OSBPL10: variants seen among roughly 807,000 people sequenced by gnomAD.
OSBPL10 encodes the protein oxysterol-binding protein-related protein 10.
A neutral mutation model predicts 81.7 loss-of-function variants in OSBPL10; 49 were observed. The ratio of observed to expected loss-of-function variants is 0.60; its 90% CI spans 0.48 to 0.76. The LOEUF is 0.76. Ranked by LOEUF, OSBPL10 falls within the 30% of genes least tolerant of loss-of-function variation. The pLI, the probability that OSBPL10 is intolerant of heterozygous loss-of-function variation, is 0.00. For synonymous variants in OSBPL10, 419 were observed against 383.6 expected (o/e 1.09, Z -1.08); for missense variants, 923 against 987.8 (o/e 0.93, Z 0.88).
At chr3:31,968,394 G>A (rs556155460) in intron 1 of OSBPL10, among the ~76,000 whole-genome samples, 9 of 152,040 alleles carry the variant, frequency 5.9e-5, no homozygotes, top group African/African-American at 1.9e-4. Flanking sequence ...CTACAATGCT[G>A]GAAAGGAAAA....
At chr3:32,066,185 G>A (rs541972254) in intron 1 of OSBPL10, among the ~76,000 whole-genome samples, 3,827 of 78,912 alleles carry the variant, frequency 0.048, 1,397 homozygotes, top group Middle Eastern at 0.16. Flanking sequence ...AGGAAGGAAG[G>A]AAGGAAGGAA....
At chr3:31,886,579 C>A (rs140951355) in intron 1 of OSBPL10, among the ~76,000 whole-genome samples, 2 of 152,192 alleles carry the variant, frequency 1.3e-5, no homozygotes, top group African/African-American at 4.8e-5. Context: ...ATGAACGGGG[C>A]CTGTGAACAG....
In OSBPL10 at chr3:31,740,857, T is replaced by TTA. The variant is rs145097507; in HGVS notation, c.940+7051_940+7052dup. 1.3e-3 allele frequency among the ~76,000 whole-genome samples: 172 copies of TTA among 136,434 alleles called. 15 individuals are homozygous for TTA. The highest frequency in any genetic ancestry group is 5.5e-3 in the African/African-American group (164 of 29,806). The allele number at this position is 136,434 out of a possible 152,430, so 89.5% of individuals were successfully genotyped here. Reference sequence around the variant, plus strand: ...AACTTAATATGACCACTACTAGAATTTATATATATATGTCATATTTCTTCC... The same window carrying TTA: ...AACTTAATATGACCACTACTAGAATTTATATATATATATGTCATATTTCTTCC... On this transcript the variant is annotated intron_variant, in intron 5 of 11. Coordinates refer to ENST00000396556, the MANE Select transcript of OSBPL10 (RefSeq NM_017784.5).
intron 6 of OSBPL10, among the ~76,000 whole-genome samples, chr3:31,730,515 T>A (rs1559437773): frequency 2.0e-5 from 3 of 152,182 alleles, no homozygotes. Flanking sequence ...GTTGAAAAAA[T>A]TGTTTTACTA....
chr3:31,802,258 C>G (rs901610806), intron 4 of OSBPL10, among the ~76,000 whole-genome samples: 3 of 151,682 alleles, frequency 2.0e-5, no homozygotes, highest in African/African-American at 4.8e-5. Flanking sequence ...TCAAGCTGCT[C>G]TGTAAAGAAT....
At chr3:31,799,435 C>T (rs1476028590) in intron 4 of OSBPL10, among the ~76,000 whole-genome samples, 2 of 142,470 alleles carry the variant, frequency 1.4e-5, no homozygotes, top group Admixed American at 1.4e-4. Context: ...AGAATATCAG[C>T]TTAGAAGTCA....
At chr3:31,698,100 C>T (rs951242483) in intron 7 of OSBPL10, among the ~76,000 whole-genome samples, 21 of 152,026 alleles carry the variant, frequency 1.4e-4, no homozygotes, top group African/African-American at 5.1e-4. Flanking sequence ...CTGCTGTTCA[C>T]ACCCTAGTCA....
chr3:31,670,765 A>T, intron 9 of OSBPL10, 32 bp downstream of exon 9: 1 of 1,588,964 alleles, frequency 6.3e-7, no homozygotes, highest in Non-Finnish European at 8.6e-7. Flanking sequence ...TCTTGTTAAG[A>T]CAAAGCCAGA....
intron 1 of OSBPL10, among the ~76,000 whole-genome samples, chr3:31,951,843 G>A (rs1479449975): frequency 6.6e-6 from 1 of 151,926 alleles, no homozygotes; most frequent in Non-Finnish European, 1.5e-5. Context: ...GACAAACTAA[G>A]CTTTTCATTA....
chr3:31,838,335 C>T (rs1429300521), intron 3 of OSBPL10, among the ~76,000 whole-genome samples: 1 of 151,768 alleles, frequency 6.6e-6, no homozygotes, highest in Non-Finnish European at 1.5e-5. Flanking sequence ...ACGGTGAAAC[C>T]CCGTCTTTAC....
chr3:31,808,553 A>G (rs187464556), intron 4 of OSBPL10, among the ~76,000 whole-genome samples: 3 of 152,338 alleles, frequency 2.0e-5, no homozygotes, highest in Admixed American at 6.5e-5. Context: ...CTTGCTCTGA[A>G]GTCCCCAGGC....
chr3:31,745,853 A>G (rs1697504835), intron 5 of OSBPL10, among the ~76,000 whole-genome samples: 1 of 152,242 alleles, frequency 6.6e-6, no homozygotes. Context: ...TCTACTCTGA[A>G]AAACCAACAG....
chr3:32,036,332 G>A (rs1374264013), intron 2 of OSBPL10, among the ~76,000 whole-genome samples: 1 of 152,168 alleles, frequency 6.6e-6, no homozygotes, highest in African/African-American at 2.4e-5. Flanking sequence ...ACAGACATGA[G>A]CCATTGCACC....
chr3:31,970,327 C>A (rs528734739), intron 1 of OSBPL10, among the ~76,000 whole-genome samples: 172 of 152,300 alleles, frequency 1.1e-3, no homozygotes, highest in African/African-American at 4.0e-3. Flanking sequence ...TCTTCTGTCT[C>A]CATGGCCTTC....
intron 6 of OSBPL10, among the ~76,000 whole-genome samples, chr3:31,715,679 T>A (rs186442799): frequency 2.4e-4 from 36 of 152,344 alleles, no homozygotes; most frequent in Non-Finnish European, 4.9e-4. Flanking sequence ...ATAAAATGAT[T>A]CTGTGCCTAA....
rs58442955 is a variant in OSBPL10 at position 32,028,927 on chromosome 3, GACACACACACACACAC to G, written n.298+17548_298+17563del. 1.0e-3 allele frequency among the ~76,000 whole-genome samples: 108 copies of G among 105,732 alleles called. 1 individual carries two copies. Among genetic ancestry groups the G allele is most frequent in the Admixed American group, 2.7e-3 (27 of 9,974 alleles). The allele number at this position is 105,732 out of a possible 152,430, so 69.4% of individuals were successfully genotyped here. ...ATTGTTACAGTAGGTAGCTAGTCAG[GACACACACACACACAC>G]ACACACACACACACACACACACACA... is the stretch of plus-strand genomic sequence containing the variant. On this transcript the variant is annotated intron_variant and non_coding_transcript_variant, in intron 2 of 3. Coordinates refer to the OSBPL10 transcript ENST00000479173.
chr3:31,743,243 G>A (rs1446872817), intron 5 of OSBPL10, among the ~76,000 whole-genome samples: 1 of 151,918 alleles, frequency 6.6e-6, no homozygotes, highest in Non-Finnish European at 1.5e-5. Context: ...ATTTCATCAT[G>A]TTGGTAAGGC....
rs1025024003 is a variant in OSBPL10, at chr3:32,065,195, T to A, written n.185+12201A>T. 5.4e-5 allele frequency: 5 copies of A among 93,412 alleles called. 2 individuals are homozygous for A. The East Asian group carries it at 1.2e-3, about 23-fold the overall frequency. 5.8% of individuals were successfully genotyped at this position (93,412 alleles called of 1,614,324 possible). On this transcript the variant is annotated intron_variant and non_coding_transcript_variant, in intron 1 of 3. Coordinates refer to the OSBPL10 transcript ENST00000479173. ...GTTCTTCATGTACTTTTTCAAGTGG[T>A]ATAAAATGACACTTGAAGAGTCTTT... is the stretch of plus-strand genomic sequence containing the variant.
chr3:31,803,278 A>AGAGG (rs1699436204), intron 4 of OSBPL10, among the ~76,000 whole-genome samples: 1 of 152,212 alleles, frequency 6.6e-6, no homozygotes, highest in Non-Finnish European at 1.5e-5. Flanking sequence ...GGTCAGCTGA[A>AGAGG]GAGGCTAAGG....
Sources: allele counts gnomAD v4.1 joint callset (sites outside exome capture counted in the v4.1 genomes callset), GRCh38; gene constraint gnomAD v4.1.1; transcripts MANE v1.5; gene names NCBI Gene and HGNC (gene_info 2026-07-23, HGNC 2026-07-21).